Variants in SERPINI2 observed in about 807,000 individuals in gnomAD.
SERPINI2 encodes serpin I2.
Under a neutral mutation model 47.3 loss-of-function variants are expected in SERPINI2, and 48 were observed. The ratio of observed to expected loss-of-function variants is 1.02; its 90% CI spans 0.81 to 1.29. SERPINI2 has a LOEUF of 1.29. Ranked by LOEUF, SERPINI2 falls within the 50% of genes most tolerant of loss-of-function variation. The probability of loss-of-function intolerance (pLI) is 0.00; values close to 1 mark genes in which losing one functional copy is unlikely to be tolerated. For missense variants in SERPINI2, 448 were observed against 456.9 expected (o/e 0.98, Z 0.18); for synonymous variants, 135 against 149.3 (o/e 0.90, Z 0.70).
intron 6 of SERPINI2, among the ~76,000 whole-genome samples, chr3:167,450,929 T>C (rs1749623739): frequency 6.6e-6 from 1 of 152,198 alleles, no homozygotes; most frequent in Admixed American, 6.5e-5. Flanking sequence ...GGCCCTGAAA[T>C]ATGATAGGTT....
At chr3:167,466,942 A>G (rs1750149892) in intron 3 of SERPINI2, 113 bp downstream of exon 3, 1 of 539,234 alleles carries the variant, frequency 1.9e-6, no homozygotes, top group Non-Finnish European at 3.1e-6. Context: ...AGGATATTTG[A>G]TTCCTCTGAT....
At chr3:167,465,630 C>T (rs1379087334) in exon 4 of SERPINI2, 9 of 1,611,680 alleles carry the variant, frequency 5.6e-6, no homozygotes, top group Non-Finnish European at 7.6e-6. Context: ...CAAGCCGAGT[C>T]AGAGGGCCAA....
intron 6 of SERPINI2, 25 bp from the exon 7 acceptor site, chr3:167,449,427 G>C (rs1215128256): frequency 6.9e-7 from 1 of 1,441,744 alleles, no homozygotes; most frequent in African/African-American, 1.4e-5. Flanking sequence ...ATACACAAAA[G>C]TGTATTTAAG....
chr3:167,473,081 A>G (rs1404994258), intron 1 of SERPINI2, among the ~76,000 whole-genome samples: 2 of 151,706 alleles, frequency 1.3e-5, no homozygotes, highest in Non-Finnish European at 3.0e-5. Flanking sequence ...ATTTATATAT[A>G]AAGATTACTA....
At chr3:167,451,096 A>G (rs1428419862) in intron 6 of SERPINI2, among the ~76,000 whole-genome samples, 1 of 152,212 alleles carries the variant, frequency 6.6e-6, no homozygotes, top group African/African-American at 2.4e-5. Context: ...TTAATGTGAT[A>G]CTTTTCCCAC....
intron 5 of SERPINI2, among the ~76,000 whole-genome samples, chr3:167,457,669 T>G (rs1481049008): frequency 6.6e-6 from 1 of 152,224 alleles, no homozygotes; most frequent in African/African-American, 2.4e-5. Flanking sequence ...TATACATGCT[T>G]TTTGCTGCAG....
At chr3:167,457,321 C>CCT (rs1169761254) in intron 5 of SERPINI2, among the ~76,000 whole-genome samples, 1 of 152,148 alleles carries the variant, frequency 6.6e-6, no homozygotes, top group Non-Finnish European at 1.5e-5. Context: ...ATATCCTAGA[C>CCT]CTCTCTAGAA....
At chr3:167,465,790 G>T in intron 3 of SERPINI2, 117 bp from the exon 4 acceptor site, 1 of 739,310 alleles carries the variant, frequency 1.4e-6, no homozygotes, top group Non-Finnish European at 2.1e-6. Flanking sequence ...GATAGGGCAT[G>T]TTATCATCTA....
intron 5 of SERPINI2, among the ~76,000 whole-genome samples, chr3:167,463,667 A>T (rs1393820629): frequency 1.3e-5 from 2 of 152,220 alleles, no homozygotes; most frequent in Non-Finnish European, 2.9e-5. Context: ...TTTCTCCACA[A>T]TATCAAAGAA....
At chr3:167,456,701 AT>A (rs1749804544) in intron 5 of SERPINI2, among the ~76,000 whole-genome samples, 1 of 152,136 alleles carries the variant, frequency 6.6e-6, no homozygotes, top group Non-Finnish European at 1.5e-5. Flanking sequence ...TAGGCAAGGT[AT>A]TTACCTGTCT....
intron 5 of SERPINI2, among the ~76,000 whole-genome samples, chr3:167,455,360 C>T (rs1749754001): frequency 6.6e-6 from 1 of 152,106 alleles, no homozygotes; most frequent in South Asian, 2.1e-4. Flanking sequence ...GAAAAACAAT[C>T]CCAATTTTTG....
At chr3:167,446,561 A>G (rs1002283565) in intron 7 of SERPINI2, 80 bp from the exon 8 acceptor site, 2 of 898,814 alleles carry the variant, frequency 2.2e-6, no homozygotes, top group South Asian at 3.4e-5. Context: ...TACATTTTGT[A>G]GACAGGAAAA....
At chr3:167,443,353 C>T (rs1014536710) in intron 8 of SERPINI2, among the ~76,000 whole-genome samples, 10 of 152,222 alleles carry the variant, frequency 6.6e-5, no homozygotes, top group East Asian at 1.9e-4. Flanking sequence ...GTGATCCTCC[C>T]GCCTCAGCCT....
At chr3:167,445,984 T>C (rs1749467158) in intron 8 of SERPINI2, among the ~76,000 whole-genome samples, 1 of 152,176 alleles carries the variant, frequency 6.6e-6, no homozygotes, top group Admixed American at 6.5e-5. Context: ...CTTTCACAAC[T>C]CCACACCTCT....
At chr3:167,470,631 A>C (rs1750286756) in intron 2 of SERPINI2, among the ~76,000 whole-genome samples, 1 of 135,548 alleles carries the variant, frequency 7.4e-6, no homozygotes, top group South Asian at 2.2e-4. Context: ...GCACGATCTC[A>C]GCTCACTGCA....
At chr3:167,465,698 T>A (rs1170146683) in intron 3 of SERPINI2, 25 bp from the exon 4 acceptor site, 1 of 1,580,338 alleles carries the variant, frequency 6.3e-7, no homozygotes, top group Non-Finnish European at 8.6e-7. Context: ...GAGGAGGAGG[T>A]AAGAAGAAAT....
At chr3:167,453,375 T>A (rs1749695186) in intron 5 of SERPINI2, among the ~76,000 whole-genome samples, 1 of 152,182 alleles carries the variant, frequency 6.6e-6, no homozygotes, top group Non-Finnish European at 1.5e-5. Flanking sequence ...ATTTCCCTCT[T>A]ATGTATTCAA....
chr3:167,469,626 T>A (rs1365965306), intron 2 of SERPINI2: 2 of 152,092 alleles, frequency 1.3e-5, no homozygotes, highest in African/African-American at 4.8e-5. Flanking sequence ...TGATTCGTCA[T>A]CAGCATTATC....
chr3:167,471,389 TTAA>T lies in SERPINI2; in HGVS notation c.247+196_247+198del, dbSNP rs1750314563. On this transcript the variant is annotated intron_variant, in intron 2 of 8. Transcript: ENST00000264677. ...TTACATTTATATAGATGTCAATTTC[TTAA>T]TAATTTTTGTAACCTTTTAAAGGAA... is the stretch of plus-strand genomic sequence containing the variant. Among the ~76,000 whole-genome samples, 3 of 152,286 alleles carry T rather than the reference TTAA, an allele frequency of 2.0e-5. No homozygotes were observed. The South Asian group carries it at 6.2e-4, about 32-fold the overall frequency.
Sources: gnomAD v4.1 joint callset for allele counts (sites outside exome capture counted in the v4.1 genomes callset) on GRCh38, gnomAD v4.1.1 for gene constraint, MANE v1.5 for transcripts, NCBI Gene and HGNC (gene_info 2026-07-23, HGNC 2026-07-21) for gene names.